The following MNAT1 variants were observed in gnomAD, a reference collection of about 807,000 sequenced individuals.
MNAT1 encodes the protein MNAT1 component of CDK activating kinase, also known as CDK-activating kinase assembly factor MAT1.
MNAT1 carries 43 observed loss-of-function variants against 42.0 expected under a neutral mutation model. That is an observed-to-expected ratio of 1.02 (90% CI 0.80 to 1.32). MNAT1 has a LOEUF of 1.32. Ranked by LOEUF, MNAT1 falls within the 40% of genes most tolerant of loss-of-function variation. MNAT1 has a pLI of 0.00. For synonymous variants in MNAT1, 118 were observed against 120.0 expected (o/e 0.98, Z 0.11); for missense variants, 306 against 350.4 (o/e 0.87, Z 1.01).
At position 60,968,905 on chromosome 14, in the gene MNAT1, C is replaced by A. The variant is rs1244848193; in HGVS notation, c.*556C>A. On this transcript the variant is annotated 3_prime_UTR_variant, in exon 8 of 8. Transcript: ENST00000261245. ...CCATGATAATGTCATTCCCTCAATA[C>A]TAAGGACTCAATGCCTGTTTTAAGC... 4 of 195,854 alleles carry A rather than the reference C, an allele frequency of 2.0e-5. No homozygotes were observed. The highest frequency in any genetic ancestry group is 4.1e-5 in the Non-Finnish European group (4 of 97,464). The allele number at this position is 195,854 out of a possible 1,614,324, so 12.1% of individuals were successfully genotyped here.
intron 6 of MNAT1, among the ~76,000 whole-genome samples, chr14:60,848,851 T>TA (rs2033747193): frequency 6.6e-6 from 1 of 152,188 alleles, no homozygotes. Flanking sequence ...AGGTAAAAGA[T>TA]ACCATAGTAT....
chr14:60,883,542 A>G (rs1452110473), intron 7 of MNAT1, among the ~76,000 whole-genome samples: 1 of 151,978 alleles, frequency 6.6e-6, no homozygotes, highest in East Asian at 1.9e-4. Flanking sequence ...AAGTTTCTTT[A>G]AAGATAGCTT....
intron 1 of MNAT1, among the ~76,000 whole-genome samples, chr14:60,779,322 A>T (rs1197849948): frequency 5.9e-5 from 9 of 152,212 alleles, no homozygotes; most frequent in Non-Finnish European, 1.5e-5. Flanking sequence ...AAGGATCTGG[A>T]TCGCTCTACT....
At chr14:60,818,692 T>C in intron 5 of MNAT1, 30 bp from the exon 6 acceptor site, 3 of 1,511,688 alleles carry the variant, frequency 2.0e-6, no homozygotes, top group Non-Finnish European at 2.7e-6. Flanking sequence ...CCTTTTTACA[T>C]TTCTTATTGA....
intron 7 of MNAT1, among the ~76,000 whole-genome samples, chr14:60,880,650 A>G (rs964019184): frequency 2.0e-5 from 3 of 152,218 alleles, no homozygotes; most frequent in Admixed American, 6.6e-5. Context: ...GATGAAACAA[A>G]TAATAAAACC....
At chr14:60,750,654 T>C (rs1241152114) in intron 1 of MNAT1, among the ~76,000 whole-genome samples, 1 of 151,378 alleles carries the variant, frequency 6.6e-6, no homozygotes, top group Non-Finnish European at 1.5e-5. Context: ...TTTAAAAAAA[T>C]TACTATTTGC....
chr14:60,963,899 C>T (rs1422129808), intron 7 of MNAT1, among the ~76,000 whole-genome samples: 2 of 152,120 alleles, frequency 1.3e-5, no homozygotes, highest in African/African-American at 2.4e-5. Flanking sequence ...TTGTCACAAA[C>T]ATATTATGAC....
At chr14:60,942,654 C>A (rs905723844) in intron 7 of MNAT1, among the ~76,000 whole-genome samples, 1 of 151,542 alleles carries the variant, frequency 6.6e-6, no homozygotes, top group Non-Finnish European at 1.5e-5. Context: ...TATATTAAAT[C>A]GAAAATTTGT....
intron 6 of MNAT1, among the ~76,000 whole-genome samples, chr14:60,860,831 G>A (rs1173869778): frequency 6.6e-6 from 1 of 152,112 alleles, no homozygotes; most frequent in Admixed American, 6.5e-5. Flanking sequence ...AGATGGGAAA[G>A]CTGTTGTGGT....
chr14:60,929,964 C>T (rs1033303927), intron 7 of MNAT1, among the ~76,000 whole-genome samples: 76 of 152,006 alleles, frequency 5.0e-4, no homozygotes, highest in Non-Finnish European at 8.7e-4. Context: ...GCCAAAAGGT[C>T]TTAATTTTAT....
intron 7 of MNAT1, among the ~76,000 whole-genome samples, chr14:60,961,053 C>T (rs750475907): frequency 6.6e-6 from 1 of 152,158 alleles, no homozygotes; most frequent in Non-Finnish European, 1.5e-5. Context: ...ACCTCTACCT[C>T]CCGGGTTCAA....
rs80112700 is a variant in MNAT1 at position 60,845,091 on chromosome 14, T to C, written c.687+26244T>C. Among the ~76,000 whole-genome samples the C allele has an allele frequency of 4.6e-3, 694 of 152,134 alleles. 3 individuals carry two copies. The highest frequency in any genetic ancestry group is 0.016 in the African/African-American group (673 of 41,548). ...GTCTTTGTTTAGCTTTGGAGTAATA[T>C]AATGTTTTTATCAGTAATGCTAGCA... On this transcript the variant is annotated intron_variant, in intron 6 of 7. Transcript: ENST00000261245.
intron 7 of MNAT1, among the ~76,000 whole-genome samples, chr14:60,948,832 A>G (rs1043149101): frequency 6.6e-6 from 1 of 152,158 alleles, no homozygotes; most frequent in African/African-American, 2.4e-5. Context: ...ATATCTAGGT[A>G]TCAGCCATTT....
At chr14:60,800,471 C>G (rs188529641) in intron 3 of MNAT1, among the ~76,000 whole-genome samples, 1 of 152,010 alleles carries the variant, frequency 6.6e-6, no homozygotes, top group Non-Finnish European at 1.5e-5. Context: ...GTCTAGGAGT[C>G]CAAGGCTACA....
Position 60,968,386 on chromosome 14 carries a change from G to C in MNAT1, c.*37G>C. On this transcript the variant is annotated 3_prime_UTR_variant, in exon 8 of 8. Coordinates refer to ENST00000261245, the MANE Select transcript of MNAT1 (RefSeq NM_002431.4). ...ATTTGGACCTTGGAGCTGAACCAGGGAGCTAGCAAAAGTAAAGCAGACTTA... is the reference window on the plus strand; with the variant it reads ...ATTTGGACCTTGGAGCTGAACCAGGCAGCTAGCAAAAGTAAAGCAGACTTA... The C allele has an allele frequency of 1.3e-6, 2 of 1,595,022 alleles. No individual in the cohort carries two copies. The highest frequency in any genetic ancestry group is 4.5e-5 in the East Asian group (2 of 44,688).
At chr14:60,763,226 A>G (rs2030682530) in intron 1 of MNAT1, among the ~76,000 whole-genome samples, 1 of 152,110 alleles carries the variant, frequency 6.6e-6, no homozygotes, top group South Asian at 2.1e-4. Context: ...TATCTTTATC[A>G]TTTATCTTTA....
chr14:60,928,788 A>T (rs2035818280), intron 7 of MNAT1, among the ~76,000 whole-genome samples: 1 of 151,812 alleles, frequency 6.6e-6, no homozygotes, highest in East Asian at 1.9e-4. Flanking sequence ...TTTACAAAGC[A>T]CTTGCCATAT....
chr14:60,736,693 C>A (rs1896317994), intron 1 of MNAT1, among the ~76,000 whole-genome samples: 1 of 152,168 alleles, frequency 6.6e-6, no homozygotes, highest in African/African-American at 2.4e-5. Context: ...ATTCTTTACT[C>A]TTACCGGCTC....
chr14:60,842,942 T>G (rs939182813), intron 6 of MNAT1, among the ~76,000 whole-genome samples: 2 of 152,208 alleles, frequency 1.3e-5, no homozygotes, highest in Admixed American at 1.3e-4. Context: ...AATTACAGTT[T>G]CTACTGAATG....
Sources: gnomAD v4.1 joint callset for allele counts (sites outside exome capture counted in the v4.1 genomes callset) on GRCh38, gnomAD v4.1.1 for gene constraint, MANE v1.5 for transcripts, NCBI Gene and HGNC (gene_info 2026-07-23, HGNC 2026-07-21) for gene names.